The following ARSF variants were observed in gnomAD, a reference collection of about 807,000 sequenced individuals.
ARSF encodes the protein arylsulfatase F.
In ARSF, 33 loss-of-function variants were observed where a neutral mutation model predicts 35.4. That is an observed-to-expected ratio of 0.93 (90% CI 0.71 to 1.25). The LOEUF (loss-of-function observed/expected upper bound fraction) is 1.25. Ranked by LOEUF, ARSF falls within the 50% of genes most tolerant of loss-of-function variation. The probability of loss-of-function intolerance (pLI) is 0.00; values close to 1 mark genes in which losing one functional copy is unlikely to be tolerated. For missense variants in ARSF, 501 were observed against 480.2 expected (o/e 1.04, Z -0.40); for synonymous variants, 222 against 193.1 (o/e 1.15, Z -1.24).
chrX:3,096,651 G>A (rs1343649871), intron 7 of ARSF, among the ~76,000 whole-genome samples: 3 of 111,847 alleles, frequency 2.7e-5, no homozygotes, highest in Admixed American at 9.6e-5. Flanking sequence ...AAATTAAAAC[G>A]CAGAAATACA....
chrX:3,042,046 G>A (rs1278513588), intron 1 of ARSF, among the ~76,000 whole-genome samples: 1 of 111,998 alleles, frequency 8.9e-6, no homozygotes, highest in Non-Finnish European at 1.9e-5. Flanking sequence ...TTTGGCATAA[G>A]GCTTACAAAA....
At chrX:3,046,950 A>C (rs1326965277) in intron 1 of ARSF, among the ~76,000 whole-genome samples, 1 of 110,325 alleles carries the variant, frequency 9.1e-6, no homozygotes. Context: ...AACACTAATG[A>C]TAGCTGATGA....
At chrX:3,093,574 G>A (rs1374463939) in intron 7 of ARSF, among the ~76,000 whole-genome samples, 1 of 112,164 alleles carries the variant, frequency 8.9e-6, no homozygotes, top group Middle Eastern at 4.6e-3. Context: ...CCATGTTACT[G>A]CAAAGGATGT....
At position 3,110,249 on chromosome X, in the gene ARSF, G is replaced by T; in HGVS notation, c.1387G>T (p.Asp463Tyr). 8.5e-7 allele frequency: 1 copy of T among 1,172,365 alleles called. No homozygotes were observed. The highest frequency in any genetic ancestry group is 1.1e-6 in the Non-Finnish European group (1 of 873,705). Residue 463 changes from aspartate (D) to tyrosine (Y), a missense_variant, in exon 10 of 11, where the codon GAC becomes TAC. Coordinates refer to ENST00000381127, the MANE Select transcript of ARSF (RefSeq NM_001201539.2). ...CGCCGTGCGGTGGATCCCCAAGGACGACAGTGAGTGCTCAACCCGTTGCTT... is the reference window on the plus strand; with the variant it reads ...CGCCGTGCGGTGGATCCCCAAGGACTACAGTGAGTGCTCAACCCGTTGCTT... ...LHAVRWIPKDDSGSVWKAHYV... is the reference protein window; with the variant it reads ...LHAVRWIPKDYSGSVWKAHYV...
rs978891615 is a variant in ARSF at position 3,107,725 on chromosome X, T to G, written c.1266-2403T>G. Among the ~76,000 whole-genome samples, 4 of 111,096 alleles carry G rather than the reference T, an allele frequency of 3.6e-5. No homozygotes were observed. In the Admixed American group the frequency reaches 3.9e-4, roughly 11 times the overall value. On this transcript the variant is annotated intron_variant, in intron 9 of 10. Transcript: ENST00000381127. ...TTAAAATTGATATTTAATATTTTAA[T>G]TTTTTTCTTTTTTTCTTTTTCCCCA...
chrX:3,057,245 A>T (rs1569132262), intron 1 of ARSF, among the ~76,000 whole-genome samples: 1 of 112,503 alleles, frequency 8.9e-6, no homozygotes, highest in East Asian at 2.8e-4. Context: ...TTGCTTCAGC[A>T]AGAATTATCT....
intron 1 of ARSF, among the ~76,000 whole-genome samples, chrX:3,047,148 T>C (rs1265212668): frequency 9.1e-6 from 1 of 110,412 alleles, no homozygotes; most frequent in African/African-American, 3.3e-5. Flanking sequence ...CTAAAATGGG[T>C]TGTAAGAATG....
At position 3,101,117 on chromosome X, in the gene ARSF, G is replaced by T; in HGVS notation, c.998G>T (p.Gly333Val). The change falls in exon 8 of 11, where the codon GGC becomes GTC. Residue 333 changes from glycine to valine, a missense_variant. Coordinates refer to ENST00000381127, the MANE Select transcript of ARSF (RefSeq NM_001201539.2). The stretch of plus-strand genomic sequence containing the variant: ...ATTCTTGATGCTATCGATGATTTTG[G>T]CCTAAGGAACAACACCCTTGTCTAC... The part of the protein sequence containing the change: ...GKILDAIDDF[G>V]LRNNTLVYFT... 3 of 1,209,860 alleles carry T rather than the reference G, an allele frequency of 2.5e-6. No homozygotes were observed. The highest frequency in any genetic ancestry group is 3.4e-6 in the Non-Finnish European group (3 of 894,602).
At chrX:3,093,152 G>A (rs189799790) in intron 7 of ARSF, among the ~76,000 whole-genome samples, 2,578 of 111,657 alleles carry the variant, frequency 0.023, 72 homozygotes, top group African/African-American at 0.08. Flanking sequence ...GCAACGGAGC[G>A]AGACTCCGTC....
Position 3,092,939 on chromosome X carries a change from A to G in ARSF, c.967+3307A>G, listed in dbSNP as rs189711436. Among the ~76,000 whole-genome samples, 410 of 112,059 alleles carry G rather than the reference A, an allele frequency of 3.7e-3. 3 individuals are homozygous for G. Among genetic ancestry groups the G allele is most frequent in the African/African-American group, 0.011 (348 of 30,835 alleles). On this transcript the variant is annotated intron_variant, in intron 7 of 10. Coordinates refer to ENST00000381127, the MANE Select transcript of ARSF (RefSeq NM_001201539.2). Reference sequence around the variant, plus strand: ...TGTAATCCCAGCACTTTGGGAGGCCAAGGCGGGTGGATAACGAGTTCAGGC... The same window carrying G: ...TGTAATCCCAGCACTTTGGGAGGCCGAGGCGGGTGGATAACGAGTTCAGGC...
Position 3,084,536 on chromosome X carries a change from T to A in ARSF, c.700T>A (p.Phe234Ile), listed in dbSNP as rs1434685354. The change falls in exon 6 of 11, where the codon TTC becomes ATC. Residue 234 changes from phenylalanine (F) to isoleucine (I), a missense_variant. Physicochemically the swap from Phe to Ile is conservative, Grantham distance 21. Coordinates refer to ENST00000381127, the MANE Select transcript of ARSF (RefSeq NM_001201539.2). ...LFIFLLGYAW[F>I]SSHTSPLYWD... is the part of the protein sequence containing the mutation. The stretch of plus-strand genomic sequence containing the variant: ...TATTTTCCTCTTGGGCTATGCTTGG[T>A]TCTCCAGCCACACGTCCCCTTTATA... 1 of 1,211,713 alleles carries A rather than the reference T, an allele frequency of 8.3e-7. No homozygotes were observed. The highest frequency in any genetic ancestry group is 1.8e-5 in the South Asian group (1 of 56,971).
At chrX:3,093,364 G>T (rs573798459) in intron 7 of ARSF, among the ~76,000 whole-genome samples, 14 of 111,519 alleles carry the variant, frequency 1.3e-4, no homozygotes, top group African/African-American at 4.6e-4. Flanking sequence ...GTCACCCAGG[G>T]AGCGAGCATG....
At chrX:3,084,148 A>T in intron 5 of ARSF, 95 bp from the exon 6 acceptor site, 1 of 1,000,078 alleles carries the variant, frequency 1.0e-6, no homozygotes, top group Non-Finnish European at 1.4e-6. Context: ...GTATTAGCTG[A>T]TTGTTTCACG....
intron 3 of ARSF, among the ~76,000 whole-genome samples, chrX:3,072,788 T>C (rs1283226256): frequency 9.3e-6 from 1 of 106,959 alleles, no homozygotes; most frequent in Non-Finnish European, 1.9e-5. Context: ...TAAATATATG[T>C]GATATATTCA....
At chrX:3,064,854 G>A (rs192020517) in intron 1 of ARSF, among the ~76,000 whole-genome samples, 23 of 111,702 alleles carry the variant, frequency 2.1e-4, no homozygotes, top group East Asian at 8.5e-4. Flanking sequence ...CACTGTTGGC[G>A]GGAGTGTAAA....
intron 1 of ARSF, among the ~76,000 whole-genome samples, chrX:3,049,580 G>A (rs2089988883): frequency 9.0e-6 from 1 of 111,711 alleles, no homozygotes; most frequent in Non-Finnish European, 1.9e-5. Flanking sequence ...TTCTTTGTGG[G>A]CAAATTATGA....
rs1338916030 is a variant in ARSF at position 3,068,015 on chromosome X, T to A, written c.-28-58T>A. 3.7e-5 allele frequency: 33 copies of A among 898,729 alleles called. No homozygotes were observed. The Admixed American group carries it at 1.0e-3, about 28-fold the overall frequency. 74.1% of individuals were successfully genotyped at this position (898,729 alleles called of 1,213,427 possible). On this transcript the variant is annotated intron_variant, in intron 1 of 10. Transcript: ENST00000381127. ...GGAACTAATTTAATTGACACATGAA[T>A]GATACTTTTTTTTTTTTTTTTTGGT...
At chrX:3,045,524 T>C (rs1255479704) in intron 1 of ARSF, among the ~76,000 whole-genome samples, 1 of 110,896 alleles carries the variant, frequency 9.0e-6, no homozygotes, top group Admixed American at 9.7e-5. Flanking sequence ...AGATGTGTCA[T>C]TTGCATAGGG....
chrX:3,111,631 G>T (rs2090445657), intron 10 of ARSF, among the ~76,000 whole-genome samples: 1 of 110,838 alleles, frequency 9.0e-6, no homozygotes, highest in Admixed American at 9.7e-5. Context: ...TCTGCAGACT[G>T]GGGTGGGGGA....
Sources: gnomAD v4.1 joint callset for allele counts (sites outside exome capture counted in the v4.1 genomes callset) on GRCh38, gnomAD v4.1.1 for gene constraint, MANE v1.5 for transcripts, NCBI Gene and HGNC (gene_info 2026-07-23, HGNC 2026-07-21) for gene names.